REV1: variants seen among roughly 807,000 people sequenced by gnomAD.
REV1 encodes translesion synthesis protein REV1.
REV1 carries 42 observed loss-of-function variants against 137.4 expected under a neutral mutation model. The observed-to-expected ratio is 0.31, with a 90% CI of 0.24 to 0.40. The LOEUF (loss-of-function observed/expected upper bound fraction) is 0.40. REV1 is among the 10% of genes least tolerant of loss of function. The probability of loss-of-function intolerance (pLI) is 1.00; values close to 1 mark genes in which losing one functional copy is unlikely to be tolerated. For missense variants in REV1, 1,282 were observed against 1,490.1 expected (o/e 0.86, Z 2.30); for synonymous variants, 524 against 519.2 (o/e 1.01, Z -0.12).
chr2:99,489,460 G>C (rs907634726), intron 1 of REV1, among the ~76,000 whole-genome samples: 16 of 150,936 alleles, frequency 1.1e-4, no homozygotes, highest in African/African-American at 2.7e-4. Flanking sequence ...CGGTCTGACC[G>C]GGCCGGCGGG....
intron 13 of REV1, 89 bp downstream of exon 13, chr2:99,412,642 A>G (rs1677335931): frequency 1.0e-6 from 1 of 992,224 alleles, no homozygotes; most frequent in Non-Finnish European, 1.6e-6. Flanking sequence ...AATTTCAAGC[A>G]TTGAGGGTCT....
intron 8 of REV1, among the ~76,000 whole-genome samples, chr2:99,432,641 T>A (rs992367280): frequency 5.9e-5 from 9 of 152,196 alleles, no homozygotes; most frequent in African/African-American, 1.9e-4. Context: ...ATACAAACTG[T>A]CATATAATCT....
At chr2:99,445,739 TCA>T (rs1682120434) in intron 4 of REV1, among the ~76,000 whole-genome samples, 1 of 152,186 alleles carries the variant, frequency 6.6e-6, no homozygotes, top group African/African-American at 2.4e-5. Context: ...TAAAATAATT[TCA>T]CACTTTAATG....
intron 11 of REV1, among the ~76,000 whole-genome samples, chr2:99,420,300 G>A (rs1336526188): frequency 6.6e-6 from 1 of 152,128 alleles, no homozygotes; most frequent in African/African-American, 2.4e-5. Context: ...CCCAGGGCTG[G>A]CTAATTCCTA....
chr2:99,413,297 T>C (rs1438592900), intron 12 of REV1, among the ~76,000 whole-genome samples: 1 of 152,212 alleles, frequency 6.6e-6, no homozygotes, highest in Non-Finnish European at 1.5e-5. Flanking sequence ...TCAACTGTCA[T>C]TTAAACAAGT....
intron 1 of REV1, among the ~76,000 whole-genome samples, chr2:99,484,620 T>C (rs753837719): frequency 5.9e-5 from 9 of 152,106 alleles, no homozygotes; most frequent in Non-Finnish European, 1.3e-4. Context: ...TTAATTACGA[T>C]GCAAGTCATC....
chr2:99,421,210 C>T (rs1413309564), intron 11 of REV1, among the ~76,000 whole-genome samples: 1 of 151,762 alleles, frequency 6.6e-6, no homozygotes, highest in African/African-American at 2.4e-5. Context: ...GCTTTAAATA[C>T]GGTTTCCGTT....
In REV1 at chr2:99,440,755, C is replaced by T. The variant is rs539311622; in HGVS notation, c.504-1445G>A. Among the ~76,000 whole-genome samples, 5 of 152,148 alleles carry T rather than the reference C, an allele frequency of 3.3e-5. No individual in the cohort carries two copies. The South Asian group carries it at 1.0e-3, about 32-fold the overall frequency. On this transcript the variant is annotated intron_variant, in intron 5 of 22. Transcript: ENST00000258428. ...TACTGAATATACCCCCCAAAAAAAC[C>T]CCAGAAAACAACAAAAGTGATGTAC...
In REV1 at chr2:99,406,498, C is replaced by A. The variant is rs1293903813; in HGVS notation, c.2449-8G>T. 4 of 1,585,364 alleles carry A rather than the reference C, an allele frequency of 2.5e-6. No individual in the cohort carries two copies. Among genetic ancestry groups the A allele is most frequent in the Middle Eastern group, 1.7e-4 (1 of 5,926 alleles). On this transcript the variant is annotated splice_polypyrimidine_tract_variant and splice_region_variant and intron_variant, in intron 15 of 22. Transcript: ENST00000258428. ...ATTCACGTGAATCCCAACCTAGAAC[C>A]CAGAATAAAGAGTATGCTTCTAGGA... is the stretch of plus-strand genomic sequence containing the variant.
Position 99,406,421 on chromosome 2 carries a change from C to A in REV1, c.2518G>T (p.Val840Phe). 1 of 1,613,844 alleles carries A rather than the reference C, an allele frequency of 6.2e-7. No homozygotes were observed. The highest frequency in any genetic ancestry group is 8.5e-7 in the Non-Finnish European group (1 of 1,179,812). The change falls in exon 16 of 23, where the codon GTT becomes TTT. Residue 840 changes from valine (V) to phenylalanine (F), a missense_variant. Transcript: ENST00000258428. ...CCACTAGGAAAGTGGCTTGACTGAA[C>A]TGATGGGCGACTGGGACATGTGGAA... Reference protein sequence around the residue: ...NPSTCPSRPSVQSSHFPSGSY... With the variant: ...NPSTCPSRPSFQSSHFPSGSY...
chr2:99,490,080 G>GGCCCCGCCCACGCCCC (rs1687558742), upstream of REV1: 3 of 32,574 alleles, frequency 9.2e-5, no homozygotes, highest in South Asian at 2.1e-3. Flanking sequence ...TTCCGCGCGC[G>GGCCCCGCCCACGCCCC]CTCCCCGGCC....
At chr2:99,459,783 G>C (rs1273012035) in intron 3 of REV1, among the ~76,000 whole-genome samples, 1 of 152,146 alleles carries the variant, frequency 6.6e-6, no homozygotes, top group Non-Finnish European at 1.5e-5. Context: ...AAACATTTTT[G>C]GGGCCAGGTG....
chr2:99,450,517 T>C (rs1682802106), intron 3 of REV1, among the ~76,000 whole-genome samples: 1 of 152,174 alleles, frequency 6.6e-6, no homozygotes, highest in Non-Finnish European at 1.5e-5. Context: ...TGACAATAAT[T>C]AGGTGAGCTT....
chr2:99,473,499 C>T (rs1685644179), intron 1 of REV1, among the ~76,000 whole-genome samples: 2 of 152,192 alleles, frequency 1.3e-5, no homozygotes, highest in Non-Finnish European at 2.9e-5. Context: ...TGATTCTAAA[C>T]CAAGCCAACA....
intron 12 of REV1, among the ~76,000 whole-genome samples, chr2:99,416,145 T>C (rs1677827257): frequency 6.6e-6 from 1 of 152,270 alleles, no homozygotes; most frequent in Non-Finnish European, 1.5e-5. Context: ...AAGTTACCAC[T>C]GAATTTCTCC....
At chr2:99,470,525 T>C (rs1685301050) in intron 1 of REV1, among the ~76,000 whole-genome samples, 1 of 152,226 alleles carries the variant, frequency 6.6e-6, no homozygotes, top group African/African-American at 2.4e-5. Flanking sequence ...TGTTCTTAGC[T>C]CCCACAATTT....
chr2:99,444,958 C>T (rs1383499183), intron 4 of REV1, among the ~76,000 whole-genome samples: 1 of 152,092 alleles, frequency 6.6e-6, no homozygotes, highest in African/African-American at 2.4e-5. Context: ...TAATACTACA[C>T]GGTTTCCTTA....
chr2:99,461,504 G>A (rs769105), intron 3 of REV1, among the ~76,000 whole-genome samples: 65,575 of 152,086 alleles, frequency 0.43, 14,383 homozygotes, highest in Admixed American at 0.58. Flanking sequence ...AAGGGAAAGC[G>A]AGGCATGGAG....
intron 1 of REV1, among the ~76,000 whole-genome samples, chr2:99,470,128 A>G (rs574388613): frequency 2.7e-4 from 41 of 152,240 alleles, no homozygotes; most frequent in Non-Finnish European, 4.9e-4. Flanking sequence ...CTCAAAAAAA[A>G]AAAAAAGATA....
Sources: gnomAD v4.1 joint callset for allele counts (sites outside exome capture counted in the v4.1 genomes callset) on GRCh38, gnomAD v4.1.1 for gene constraint, MANE v1.5 for transcripts, NCBI Gene and HGNC (gene_info 2026-07-23, HGNC 2026-07-21) for gene names.